The following ARMC9 variants were observed in gnomAD, a reference collection of about 807,000 sequenced individuals.
ARMC9 encodes the protein armadillo repeat containing 9.
In ARMC9, 94 loss-of-function variants were observed where a neutral mutation model predicts 107.0. The observed-to-expected ratio is 0.88, with a 90% CI of 0.74 to 1.04. ARMC9 has a LOEUF of 1.04. ARMC9 is among the 50% of genes least tolerant of loss of function. The pLI is 0.00. For missense variants in ARMC9, 942 were observed against 1,030.1 expected, an observed-to-expected ratio of 0.91 and a Z score of 1.17; for synonymous variants, 380 against 396.9, an observed-to-expected ratio of 0.96 and a Z score of 0.51.
At chr2:231,310,497 G>A (rs1161325639) in intron 19 of ARMC9, among the ~76,000 whole-genome samples, 4 of 150,098 alleles carry the variant, frequency 2.7e-5, no homozygotes, top group South Asian at 2.1e-4. Context: ...TTGGGAGGCC[G>A]AGGTGGGCGG....
chr2:231,356,050 A>G, intron 22 of ARMC9, 116 bp downstream of exon 22: 1 of 1,327,346 alleles, frequency 7.5e-7, no homozygotes, highest in South Asian at 1.5e-5. Context: ...CTCTGGTCTC[A>G]GCAACAGCCC....
At chr2:231,369,751 G>T (rs974273369) in intron 23 of ARMC9, among the ~76,000 whole-genome samples, 1 of 151,842 alleles carries the variant, frequency 6.6e-6, no homozygotes, top group Non-Finnish European at 1.5e-5. Flanking sequence ...CCGCCACCGC[G>T]CCCGGCTAAT....
rs1374546340 is a variant in ARMC9, at chr2:231,376,236, G to A, written c.*4701G>A. ...ACCTTGAAAAAAGAACAGGGTAACA[G>A]CAATTGTTCAGGGAATAAGAGAGAT... On this transcript the variant is annotated 3_prime_UTR_variant, in exon 25 of 25. Transcript: ENST00000611582. Among the ~76,000 whole-genome samples the A allele has an allele frequency of 6.6e-6, 1 of 152,174 alleles. No individual in the cohort carries two copies. The highest frequency in any genetic ancestry group is 1.5e-5 in the Non-Finnish European group (1 of 68,034).
intron 19 of ARMC9, among the ~76,000 whole-genome samples, chr2:231,328,809 C>CCTTTTTTTTTTT (rs2043510127): frequency 7.9e-6 from 1 of 127,100 alleles, no homozygotes; most frequent in Non-Finnish European, 1.7e-5. Flanking sequence ...ATTTTCTTTT[C>CCTTTTTTTTTTT]TTTTCTTTTC....
rs2037013356 is a variant in ARMC9, at chr2:231,248,796, G to C, written c.880-7790G>C. ...CATTCCAGCCTGGGCAACAGAACGAGGTTCTGTCTCAAAAAAAAAAAAAAA... is the reference window on the plus strand; with the variant it reads ...CATTCCAGCCTGGGCAACAGAACGACGTTCTGTCTCAAAAAAAAAAAAAAA... On this transcript the variant is annotated intron_variant, in intron 9 of 24. Coordinates refer to ENST00000611582, the MANE Select transcript of ARMC9 (RefSeq NM_001352754.2). Among the ~76,000 whole-genome samples the C allele has an allele frequency of 3.0e-5, 4 of 135,176 alleles. 1 individual carries two copies. Among genetic ancestry groups the C allele is most frequent in the African/African-American group, 1.1e-4 (4 of 36,300 alleles). The allele number at this position is 135,176 out of a possible 152,430, so 88.7% of individuals were successfully genotyped here.
chr2:231,327,663 AC>A (rs1255239215), intron 19 of ARMC9, among the ~76,000 whole-genome samples: 1 of 152,254 alleles, frequency 6.6e-6, no homozygotes, highest in Admixed American at 6.5e-5. Flanking sequence ...TTGTATGCCA[AC>A]AAGTTTTTAT....
At chr2:231,218,221 G>T (rs1387185131) in intron 5 of ARMC9, among the ~76,000 whole-genome samples, 1 of 152,052 alleles carries the variant, frequency 6.6e-6, no homozygotes, top group Non-Finnish European at 1.5e-5. Flanking sequence ...TGAAATTTTT[G>T]CTGTTTTTTC....
intron 17 of ARMC9, among the ~76,000 whole-genome samples, chr2:231,285,539 G>A (rs1028756202): frequency 4.0e-5 from 6 of 150,596 alleles, no homozygotes; most frequent in South Asian, 2.1e-4. Flanking sequence ...CCAGCTACTC[G>A]GGAGGCTGAG....
At position 231,255,898 on chromosome 2, in the gene ARMC9, A is replaced by G. The variant is rs2037739257; in HGVS notation, c.880-688A>G. Reference sequence around the variant, plus strand: ...TAAAAATACTAAACAAAATTAGCTGAGCATGGTGGCAGGTGCCTGTAATCC... The same window carrying G: ...TAAAAATACTAAACAAAATTAGCTGGGCATGGTGGCAGGTGCCTGTAATCC... On this transcript the variant is annotated intron_variant, in intron 9 of 24. Transcript: ENST00000611582. The surrounding 1 kb of genome is among the most constrained non-coding windows in gnomAD (Gnocchi z 4.7). Among the ~76,000 whole-genome samples the G allele has an allele frequency of 6.6e-6, 1 of 152,044 alleles. No individual in the cohort carries two copies. Among genetic ancestry groups the G allele is most frequent in the Admixed American group, 6.6e-5 (1 of 15,258 alleles).
At position 231,344,993 on chromosome 2, in the gene ARMC9, A is replaced by T. The variant is rs1394684780; in HGVS notation, c.1897A>T (p.Lys633Ter). The change falls in exon 21 of 25, where the codon AAG becomes TAG. Residue 633 changes from lysine (K) to a stop codon, truncating the protein, a stop_gained. Coordinates refer to ENST00000611582, the MANE Select transcript of ARMC9 (RefSeq NM_001352754.2). LOFTEE classifies it high-confidence loss of function. Reference protein sequence around the residue: ...EYLGIMTNTGKTRRKGLANVQ... With the variant: ...EYLGIMTNTG Reference sequence around the variant, plus strand: ...CCACCAGATCATGACCAACACGGGGAAGACAAGGCGGAAGGGGCTGGCTAA... The same window carrying T: ...CCACCAGATCATGACCAACACGGGGTAGACAAGGCGGAAGGGGCTGGCTAA... The T allele has an allele frequency of 6.2e-7, 1 of 1,613,994 alleles. No individual in the cohort carries two copies. Among genetic ancestry groups the T allele is most frequent in the South Asian group, 1.1e-5 (1 of 91,072 alleles).
chr2:231,262,142 T>C (rs1466081614), intron 11 of ARMC9, among the ~76,000 whole-genome samples, 164 bp from the exon 12 acceptor site: 4 of 152,186 alleles, frequency 2.6e-5, no homozygotes, highest in Non-Finnish European at 4.4e-5. Flanking sequence ...GTTCTCGTTT[T>C]GGTTGGCTGG....
chr2:231,239,384 G>A (rs2036073008), intron 8 of ARMC9, among the ~76,000 whole-genome samples: 1 of 152,174 alleles, frequency 6.6e-6, no homozygotes, highest in East Asian at 1.9e-4. Flanking sequence ...GTCGAGCACT[G>A]GATAGTTGAT....
intron 10 of ARMC9, among the ~76,000 whole-genome samples, chr2:231,257,197 G>A (rs1182930247): frequency 6.6e-6 from 1 of 152,236 alleles, no homozygotes; most frequent in Non-Finnish European, 1.5e-5. Flanking sequence ...GTATTGTATA[G>A]AAGTGAATCT....
chr2:231,225,659 C>T (rs1422288384), intron 6 of ARMC9, among the ~76,000 whole-genome samples: 1 of 152,016 alleles, frequency 6.6e-6, no homozygotes, highest in Non-Finnish European at 1.5e-5. Context: ...CATAAAATGT[C>T]CAAAAGAGGC....
chr2:231,324,352 G>T lies in ARMC9; in HGVS notation c.1774-7441G>T, dbSNP rs189605832. Among the ~76,000 whole-genome samples, 1,133 of 150,576 alleles carry T rather than the reference G, an allele frequency of 7.5e-3. 14 individuals carry two copies. The highest frequency in any genetic ancestry group is 0.025 in the African/African-American group (1,037 of 41,058). On this transcript the variant is annotated intron_variant, in intron 19 of 24. Coordinates refer to ENST00000611582, the MANE Select transcript of ARMC9 (RefSeq NM_001352754.2). ...CATATTGGCCAGGCTGGTCTTGAAC[G>T]CCTGACCTCGTAATCCGCCCACCTC...
chr2:231,266,164 T>C (rs1358931881), intron 12 of ARMC9, among the ~76,000 whole-genome samples: 2 of 152,166 alleles, frequency 1.3e-5, no homozygotes, highest in African/African-American at 2.4e-5. Context: ...TCCTCTCCCA[T>C]AGTGGTTCTC....
chr2:231,320,910 T>G (rs370924502), intron 19 of ARMC9, among the ~76,000 whole-genome samples: 1 of 152,180 alleles, frequency 6.6e-6, no homozygotes, highest in Non-Finnish European at 1.5e-5. Flanking sequence ...ACAAAAATGA[T>G]AGATGCATGG....
chr2:231,286,982 G>A (rs577388683), intron 17 of ARMC9, among the ~76,000 whole-genome samples: 11 of 152,306 alleles, frequency 7.2e-5, no homozygotes, highest in African/African-American at 2.4e-4. Flanking sequence ...GGCCTCCTGC[G>A]ACTAGGGCTG....
At chr2:231,258,219 G>A (rs1321567897) in intron 10 of ARMC9, among the ~76,000 whole-genome samples, 4 of 151,960 alleles carry the variant, frequency 2.6e-5, no homozygotes, top group Admixed American at 2.6e-4. Flanking sequence ...GAGTCTTGCT[G>A]TGTCTTGCCT....
Sources: allele counts gnomAD v4.1 joint callset (sites outside exome capture counted in the v4.1 genomes callset), GRCh38; gene constraint gnomAD v4.1.1; non-coding constraint Gnocchi (gnomAD v3.1); transcripts MANE v1.5; gene names NCBI Gene and HGNC (gene_info 2026-07-23, HGNC 2026-07-21).